The following CTNND2 variants were observed in gnomAD, a reference collection of about 807,000 sequenced individuals.
The protein encoded by CTNND2 is catenin delta 2.
In CTNND2, 22 loss-of-function variants were observed where a neutral mutation model predicts 144.4. The observed-to-expected ratio is 0.15, with a 90% CI of 0.11 to 0.22. The LOEUF is 0.22. Among genes scored for constraint, CTNND2 ranks in the 10% least tolerant of loss-of-function variants. The pLI, the probability that CTNND2 is intolerant of heterozygous loss-of-function variation, is 1.00. For missense variants in CTNND2, 1,353 were observed against 1,618.8 expected, an observed-to-expected ratio of 0.84 and a Z score of 2.82; for synonymous variants, 751 against 695.6, an observed-to-expected ratio of 1.08 and a Z score of -1.25.
intron 1 of CTNND2, among the ~76,000 whole-genome samples, chr5:11,759,993 T>C (rs899205963): frequency 7.0e-6 from 1 of 141,934 alleles, no homozygotes; most frequent in African/African-American, 2.6e-5. Flanking sequence ...AATTAAAAAA[T>C]CATTCATGGA....
chr5:11,502,006 T>A (rs574805729), intron 3 of CTNND2, among the ~76,000 whole-genome samples: 1 of 123,868 alleles, frequency 8.1e-6, no homozygotes, highest in African/African-American at 3.2e-5. Flanking sequence ...CCAGCCTGGG[T>A]GACAGAGCGA....
chr5:11,227,271 T>C (rs1740460066), intron 10 of CTNND2, among the ~76,000 whole-genome samples: 1 of 152,242 alleles, frequency 6.6e-6, no homozygotes, highest in Non-Finnish European at 1.5e-5. Context: ...CTGTGTTCTC[T>C]CTGCCATGAT....
intron 15 of CTNND2, among the ~76,000 whole-genome samples, chr5:11,089,461 A>G (rs1042115834): frequency 2.0e-5 from 3 of 152,240 alleles, no homozygotes; most frequent in African/African-American, 7.2e-5. Context: ...CATGTTTACC[A>G]TATTGTAAGG....
chr5:11,589,960 A>G (rs892729601), intron 2 of CTNND2, among the ~76,000 whole-genome samples: 1 of 152,186 alleles, frequency 6.6e-6, no homozygotes, highest in Non-Finnish European at 1.5e-5. Context: ...GAAGGGAAAC[A>G]CTAGTCTTCA....
rs144145114 is a variant in CTNND2 at position 11,837,108 on chromosome 5, G to A, written c.37+66709C>T. Among the ~76,000 whole-genome samples the A allele has an allele frequency of 3.9e-5, 6 of 152,338 alleles. No individual in the cohort carries two copies. The East Asian group carries it at 9.6e-4, about 24-fold the overall frequency. The stretch of plus-strand genomic sequence containing the variant: ...GTTCAACCACCACAATTCTCAGGGT[G>A]ACCACTTCTCTAGCTCTGAAGTACA... On this transcript the variant is annotated intron_variant, in intron 1 of 21. Transcript: ENST00000304623.
chr5:11,205,210 C>CACACAT lies in CTNND2; in HGVS notation c.1762-5555_1762-5550dup, dbSNP rs1314648460. Among the ~76,000 whole-genome samples, 104 of 152,142 alleles carry CACACAT rather than the reference C, an allele frequency of 6.8e-4. 1 individual carries two copies. The highest frequency in any genetic ancestry group is 2.4e-3 in the African/African-American group (99 of 41,498). Reference sequence around the variant, plus strand: ...ATATATGTATAGCATATCATATATACACACATACACATATATAGTATACAC... The same window carrying CACACAT: ...ATATATGTATAGCATATCATATATACACACATACACATACACATATATAGTATACAC... On this transcript the variant is annotated intron_variant, in intron 10 of 21. Transcript: ENST00000304623.
intron 12 of CTNND2, among the ~76,000 whole-genome samples, chr5:11,144,310 C>T (rs1053466708): frequency 6.6e-6 from 1 of 152,116 alleles, no homozygotes; most frequent in Non-Finnish European, 1.5e-5. Context: ...TTATTGGGCC[C>T]CTCAGTCCTA....
chr5:11,618,956 T>C (rs1456549218), intron 2 of CTNND2, among the ~76,000 whole-genome samples: 1 of 152,222 alleles, frequency 6.6e-6, no homozygotes, highest in African/African-American at 2.4e-5. Context: ...TAAAAAATTA[T>C]GCAACTTTGG....
chr5:11,877,043 A>T (rs564856288), intron 1 of CTNND2, among the ~76,000 whole-genome samples: 1 of 152,236 alleles, frequency 6.6e-6, no homozygotes, highest in Non-Finnish European at 1.5e-5. Context: ...GCAATGACTG[A>T]GGTTAAAGAA....
intron 9 of CTNND2, among the ~76,000 whole-genome samples, chr5:11,266,113 T>C (rs1371975446): frequency 1.3e-5 from 2 of 152,196 alleles, no homozygotes; most frequent in Non-Finnish European, 2.9e-5. Context: ...GATCTTTAGT[T>C]GACAAAATAA....
At chr5:11,618,141 A>G (rs1008051734) in intron 2 of CTNND2, among the ~76,000 whole-genome samples, 3 of 151,436 alleles carry the variant, frequency 2.0e-5, no homozygotes, top group Non-Finnish European at 4.4e-5. Context: ...TTGTGTCATG[A>G]TGTCCATTTC....
chr5:11,446,979 C>A (rs139307827), intron 3 of CTNND2, among the ~76,000 whole-genome samples: 1,701 of 151,994 alleles, frequency 0.011, 40 homozygotes, highest in African/African-American at 0.039. Context: ...CCCCCCACCT[C>A]AGTCCTCAAT....
intron 2 of CTNND2, among the ~76,000 whole-genome samples, chr5:11,714,861 C>T (rs1168694617): frequency 6.7e-6 from 1 of 148,946 alleles, no homozygotes; most frequent in African/African-American, 2.5e-5. Context: ...TGCAGTGAGC[C>T]GAGATCCCAC....
intron 5 of CTNND2, among the ~76,000 whole-genome samples, chr5:11,410,009 TA>T (rs1251412957): frequency 6.6e-6 from 1 of 152,092 alleles, no homozygotes; most frequent in East Asian, 1.9e-4. Context: ...TCAAATATAT[TA>T]TTATATTAAA....
In CTNND2 at chr5:11,159,620, C is replaced by T. The variant is rs1264601473; in HGVS notation, c.2115G>A (p.Gln705=). 2 of 1,613,608 alleles carry T rather than the reference C, an allele frequency of 1.2e-6. No individual in the cohort carries two copies. Among genetic ancestry groups the T allele is most frequent in the Non-Finnish European group, 1.7e-6 (2 of 1,179,792 alleles). The change falls in exon 12 of 22, where the codon CAG becomes CAA. Residue 705 remains glutamine (Q), a synonymous_variant. Coordinates refer to ENST00000304623, the MANE Select transcript of CTNND2 (RefSeq NM_001332.4). ...TACGCAGCACCTGTGATGAATGCAGCTGTATTTTCCGATCATCCTGAAGAG... is the reference window on the plus strand; with the variant it reads ...TACGCAGCACCTGTGATGAATGCAGTTGTATTTTCCGATCATCCTGAAGAG... ...NSPLQDDRKI[Q]LHSSQVLRNA...
intron 1 of CTNND2, among the ~76,000 whole-genome samples, chr5:11,769,849 C>T (rs930452991): frequency 6.6e-5 from 10 of 152,242 alleles, no homozygotes; most frequent in Non-Finnish European, 1.0e-4. Context: ...CCAACACTGT[C>T]GACACATAAT....
At chr5:11,111,205 T>C (rs1011156316) in intron 13 of CTNND2, among the ~76,000 whole-genome samples, 162 bp from the exon 14 acceptor site, 4 of 152,144 alleles carry the variant, frequency 2.6e-5, no homozygotes, top group Admixed American at 6.5e-5. Flanking sequence ...TGGAAAACAA[T>C]TGGAGAAACT....
chr5:11,224,982 T>A (rs989249925), intron 10 of CTNND2, among the ~76,000 whole-genome samples: 8 of 152,172 alleles, frequency 5.3e-5, no homozygotes, highest in African/African-American at 1.7e-4. Context: ...ATCTTCCTGC[T>A]GTGAAGTGTG....
chr5:11,100,130 T>C (rs1751745214), intron 14 of CTNND2, among the ~76,000 whole-genome samples: 1 of 152,214 alleles, frequency 6.6e-6, no homozygotes, highest in Non-Finnish European at 1.5e-5. Context: ...TAGACAGAGA[T>C]GGCTGCTGTC....
Sources: allele counts gnomAD v4.1 joint callset (sites outside exome capture counted in the v4.1 genomes callset), GRCh38; gene constraint gnomAD v4.1.1; transcripts MANE v1.5; gene names NCBI Gene and HGNC (gene_info 2026-07-23, HGNC 2026-07-21).